LARGE1: variants seen among roughly 807,000 people sequenced by gnomAD.
LARGE1 encodes the protein xylosyl- and glucuronyltransferase LARGE1.
A neutral mutation model predicts 87.6 loss-of-function variants in LARGE1; 43 were observed. The ratio of observed to expected loss-of-function variants is 0.49; its 90% confidence interval spans 0.38 to 0.63. The LOEUF (loss-of-function observed/expected upper bound fraction) is 0.63, where lower values mean the gene tolerates loss of function less well. Ranked by LOEUF, LARGE1 falls within the 30% of genes least tolerant of loss-of-function variation. The pLI is 0.00. For synonymous variants in LARGE1, 434 were observed against 394.6 expected (o/e 1.10, Z -1.18); for missense variants, 802 against 1,000.2 (o/e 0.80, Z 2.67).
At chr22:33,429,026 G>A (rs2066987727) in intron 7 of LARGE1, among the ~76,000 whole-genome samples, 1 of 151,210 alleles carries the variant, frequency 6.6e-6, no homozygotes, top group South Asian at 2.1e-4. Context: ...CTAAATGACT[G>A]TACTGCAGCT....
chr22:33,686,860 G>A (rs1010848112), intron 2 of LARGE1, among the ~76,000 whole-genome samples: 17 of 152,130 alleles, frequency 1.1e-4, no homozygotes, highest in African/African-American at 2.7e-4. Context: ...ATTATCCATC[G>A]TTTATCTGAA....
chr22:33,531,448 G>A (rs532783561), intron 6 of LARGE1, among the ~76,000 whole-genome samples: 2 of 152,256 alleles, frequency 1.3e-5, no homozygotes, highest in East Asian at 1.9e-4. Context: ...ATGAGCCACC[G>A]TGCCTGGCCA....
At chr22:33,645,108 T>C (rs1225108208) in intron 3 of LARGE1, among the ~76,000 whole-genome samples, 4 of 152,174 alleles carry the variant, frequency 2.6e-5, no homozygotes, top group Admixed American at 2.0e-4. Flanking sequence ...AAGACAATCT[T>C]AAGCAAAAAG....
intron 11 of LARGE1, among the ~76,000 whole-genome samples, chr22:33,200,234 C>T (rs951970048): frequency 1.3e-5 from 2 of 151,942 alleles, no homozygotes; most frequent in Non-Finnish European, 2.9e-5. Flanking sequence ...CAGGGAGAGA[C>T]AGATAAATAT....
At chr22:33,890,385 T>TAA (rs982136405) in intron 1 of LARGE1, among the ~76,000 whole-genome samples, 5 of 149,628 alleles carry the variant, frequency 3.3e-5, no homozygotes, top group Non-Finnish European at 7.4e-5. Flanking sequence ...AGTTGGTGCT[T>TAA]AAAAAAAAAA....
chr22:33,306,066 G>T (rs972263464), intron 11 of LARGE1, among the ~76,000 whole-genome samples: 2 of 151,994 alleles, frequency 1.3e-5, no homozygotes, highest in Non-Finnish European at 2.9e-5. Flanking sequence ...GCATGGTCTC[G>T]ATCTCCTGAC....
chr22:33,192,447 C>A (rs1923834168), intron 11 of LARGE1, among the ~76,000 whole-genome samples: 1 of 152,014 alleles, frequency 6.6e-6, no homozygotes, highest in Non-Finnish European at 1.5e-5. Context: ...TTTCACAAAC[C>A]TGTTGGCCAT....
intron 9 of LARGE1, among the ~76,000 whole-genome samples, chr22:33,374,234 C>T (rs745890173): frequency 3.3e-5 from 5 of 152,122 alleles, no homozygotes; most frequent in Non-Finnish European, 7.4e-5. Context: ...AATTCAAGTA[C>T]CCTTTTCATC....
At chr22:33,899,974 CT>C (rs1464331317) in intron 1 of LARGE1, among the ~76,000 whole-genome samples, 1 of 152,158 alleles carries the variant, frequency 6.6e-6, no homozygotes, top group African/African-American at 2.4e-5. Flanking sequence ...TGTTTTGTAG[CT>C]TTTTCCCCTA....
intron 6 of LARGE1, among the ~76,000 whole-genome samples, chr22:33,515,001 CTATCTT>C (rs2071233585): frequency 6.6e-6 from 1 of 151,930 alleles, no homozygotes; most frequent in African/African-American, 2.4e-5. Context: ...CGTAATGTTC[CTATCTT>C]TATTTTGCTA....
chr22:33,880,305 C>T (rs1302543860), intron 1 of LARGE1, among the ~76,000 whole-genome samples: 2 of 152,172 alleles, frequency 1.3e-5, no homozygotes, highest in South Asian at 4.1e-4. Context: ...TGACCAAAAT[C>T]TCAACCATCC....
intron 11 of LARGE1, among the ~76,000 whole-genome samples, chr22:33,255,189 C>T (rs111629070): frequency 1.5e-3 from 229 of 152,228 alleles, no homozygotes; most frequent in African/African-American, 5.2e-3. Flanking sequence ...CCGCCTGCCT[C>T]GGCCTCCCAA....
chr22:33,238,512 T>C (rs1399667487), intron 11 of LARGE1, among the ~76,000 whole-genome samples: 2 of 152,194 alleles, frequency 1.3e-5, no homozygotes, highest in African/African-American at 4.8e-5. Context: ...CTTGAGCTAA[T>C]GGACAAAATA....
chr22:33,634,899 C>T (rs1029350676), intron 3 of LARGE1, among the ~76,000 whole-genome samples: 4 of 151,792 alleles, frequency 2.6e-5, no homozygotes, highest in Admixed American at 6.6e-5. Flanking sequence ...GAGGCTGAGG[C>T]GGGTGGATCA....
chr22:33,718,041 G>T (rs2082964968), intron 2 of LARGE1, among the ~76,000 whole-genome samples: 1 of 152,178 alleles, frequency 6.6e-6, no homozygotes, highest in Admixed American at 6.5e-5. Flanking sequence ...TTGAAGATAG[G>T]CTCAATCACA....
At chr22:33,748,137 T>TTA (rs2084169996) in intron 2 of LARGE1, among the ~76,000 whole-genome samples, 1 of 146,022 alleles carries the variant, frequency 6.8e-6, no homozygotes, top group African/African-American at 2.5e-5. Context: ...GCAGGTTTGT[T>TTA]TTTTTTTTTT....
intron 11 of LARGE1, among the ~76,000 whole-genome samples, chr22:33,204,669 A>T (rs1344714932): frequency 2.6e-5 from 4 of 152,146 alleles, no homozygotes; most frequent in East Asian, 1.9e-4. Flanking sequence ...TCCCTTTTTT[A>T]AAAAAGGCTA....
rs34436418 is a variant in LARGE1, at chr22:33,464,892, TACAC to T, written c.788-32631_788-32628del. On this transcript the variant is annotated intron_variant, in intron 6 of 14. Coordinates refer to ENST00000397394, the MANE Select transcript of LARGE1 (RefSeq NM_133642.5). ...CACACTGCACACACATGCACACACA[TACAC>T]ACACACACACATACACATGCACACA... 5.8e-3 allele frequency among the ~76,000 whole-genome samples: 815 copies of T among 139,514 alleles called. 6 individuals carry two copies. Among genetic ancestry groups the T allele is most frequent in the African/African-American group, 0.021 (732 of 35,610 alleles). The allele number at this position is 139,514 out of a possible 152,430, so 91.5% of individuals were successfully genotyped here. A position where few individuals can be genotyped will look rare whatever the true frequency, so the allele number is the denominator to read the frequency against.
intron 9 of LARGE1, among the ~76,000 whole-genome samples, chr22:33,367,750 T>C (rs2064649754): frequency 6.6e-6 from 1 of 152,162 alleles, no homozygotes; most frequent in Non-Finnish European, 1.5e-5. Context: ...TTTATATTAA[T>C]ATATCATCTT....
Sources: gnomAD v4.1 joint callset for allele counts (sites outside exome capture counted in the v4.1 genomes callset) on GRCh38, gnomAD v4.1.1 for gene constraint, MANE v1.5 for transcripts, NCBI Gene and HGNC (gene_info 2026-07-23, HGNC 2026-07-21) for gene names.